Variants in IGSF1 observed in about 807,000 individuals in gnomAD.
IGSF1 encodes immunoglobulin-like domain-containing protein 1.
Under a neutral mutation model 95.3 loss-of-function variants are expected in IGSF1, and 40 were observed. The ratio of observed to expected loss-of-function variants is 0.42; its 90% confidence interval spans 0.33 to 0.55. The LOEUF (loss-of-function observed/expected upper bound fraction) is 0.55, where lower values mean the gene tolerates loss of function less well. Among genes scored for constraint, IGSF1 ranks in the 20% least tolerant of loss-of-function variants. The pLI is 0.10. For synonymous variants in IGSF1, 372 were observed against 382.9 expected (o/e 0.97, Z 0.33); for missense variants, 906 against 1,025.4 (o/e 0.88, Z 1.59).
In IGSF1 at chrX:131,285,403, A is replaced by C. The variant is rs1402207892; in HGVS notation, c.443T>G (p.Val148Gly). 8.3e-7 allele frequency: 1 copy of C among 1,210,986 alleles called. No homozygotes were observed. The highest frequency in any genetic ancestry group is 1.8e-5 in the South Asian group (1 of 56,943). ...CAGCCAGCCATGGCAGAGGATGTTA[A>C]CATTACACCCAGGAAGAGCGGGGGT... ...AETPALPGCN[V>G]NILCHGWLQD... Residue 148 changes from valine (V) to glycine (G), a missense_variant, in exon 5 of 20, where the codon GTT (valine) becomes GGT (glycine). Val to Gly is a moderately radical substitution (Grantham distance 109). Around this residue, in one of 5 missense-constraint regions of IGSF1, gnomAD observed 442 missense variants for 448.1 expected, o/e 0.99. Transcript: ENST00000361420.
rs112522172 is a variant in IGSF1, at chrX:131,274,843, G to C, written c.3507C>G (p.Pro1169=). The C allele has an allele frequency of 8.3e-7, 1 of 1,211,600 alleles. No homozygotes were observed. Among genetic ancestry groups the C allele is most frequent in the East Asian group, 3.0e-5 (1 of 33,854 alleles). ...CCTTCCCTAACTTGAACATGGTGCT[G>C]GGCCAGGCTGACAGAGAGGGTTTAG... ...KPPKPSLSAW[P]STMFKLGKDI... is the part of the protein sequence containing the mutation. The change falls in exon 18 of 20, where the codon CCC becomes CCG. Residue 1169 remains proline (P), a synonymous_variant. Transcript: ENST00000361420.
rs767947934 is a variant in IGSF1, at chrX:131,283,518, C to T, written c.668-254G>A. Reference sequence around the variant, plus strand: ...GGGGTGTATCTCAGTGGAAGATCTACATCTATAATTCCCTGTATCTTTAGG... The same window carrying T: ...GGGGTGTATCTCAGTGGAAGATCTATATCTATAATTCCCTGTATCTTTAGG... On this transcript the variant is annotated intron_variant, in intron 5 of 19. Coordinates refer to ENST00000361420, the MANE Select transcript of IGSF1 (RefSeq NM_001555.5). Among the ~76,000 whole-genome samples, 7 of 112,051 alleles carry T rather than the reference C, an allele frequency of 6.2e-5. No individual in the cohort carries two copies. The East Asian group carries it at 1.7e-3, about 27-fold the overall frequency.
rs867723820 is a variant in IGSF1, at chrX:131,275,948, G to A, written c.2896+13C>T. ...TGATCTCCATCCCAGTCCCATGTCC[G>A]GTCGGTCCTTACCAGTCACCCAGAT... On this transcript the variant is annotated intron_variant, in intron 15 of 19. Coordinates refer to ENST00000361420, the MANE Select transcript of IGSF1 (RefSeq NM_001555.5). The A allele has an allele frequency of 1.8e-5, 22 of 1,202,509 alleles. No individual in the cohort carries two copies. Among genetic ancestry groups the A allele is most frequent in the Middle Eastern group, 4.7e-4 (2 of 4,250 alleles).
chrX:131,275,253 G>A lies in IGSF1; in HGVS notation c.3218C>T (p.Pro1073Leu). The change falls in exon 17 of 20, where the codon CCT becomes CTT. Residue 1073 changes from proline (P) to leucine (L), a missense_variant. Physicochemically the swap from Pro to Leu is moderately conservative, Grantham distance 98 (BLOSUM62 -3). Coordinates refer to ENST00000361420, the MANE Select transcript of IGSF1 (RefSeq NM_001555.5). ...TTCGCCAGGGGCCACCATGGGACCAGGCTGGGCTAATAGGCTGGGTTTGGG... is the reference window on the plus strand; with the variant it reads ...TTCGCCAGGGGCCACCATGGGACCAAGCTGGGCTAATAGGCTGGGTTTGGG... ...LLPKPSLLAQ[P>L]GPMVAPGENM... 1 of 1,211,650 alleles carries A rather than the reference G, an allele frequency of 8.3e-7. No individual in the cohort carries two copies. The highest frequency in any genetic ancestry group is 1.1e-6 in the Non-Finnish European group (1 of 895,288).
chrX:131,284,361 C>T (rs965249469), intron 5 of IGSF1: 4 of 231,395 alleles, frequency 1.7e-5, no homozygotes, highest in African/African-American at 1.2e-4. Flanking sequence ...TAGAGGAAGC[C>T]AAAGCACAGA....
At chrX:131,279,752 T>G (rs2080529369) in intron 9 of IGSF1, among the ~76,000 whole-genome samples, 2 of 111,564 alleles carry the variant, frequency 1.8e-5, no homozygotes, top group Non-Finnish European at 3.8e-5. Flanking sequence ...ACTGTGAGTA[T>G]TTCTCAGTCA....
chrX:131,281,998 T>TC (rs1569404894), intron 7 of IGSF1, 54 bp from the exon 8 acceptor site: 6 of 1,067,117 alleles, frequency 5.6e-6, no homozygotes, highest in Non-Finnish European at 6.3e-6. Flanking sequence ...CAGTACCCTC[T>TC]CCCCCAGAAA....
intron 5 of IGSF1, chrX:131,284,804 G>T: frequency 1.1e-6 from 1 of 871,820 alleles, no homozygotes; most frequent in Non-Finnish European, 1.4e-6. Flanking sequence ...AAATACATTT[G>T]CAAATTTAAA....
At position 131,278,589 on chromosome X, in the gene IGSF1, G is replaced by A. The variant is rs753648014; in HGVS notation, c.1913C>T (p.Ser638Leu). The A allele has an allele frequency of 8.3e-7, 1 of 1,209,838 alleles. No individual in the cohort carries two copies. The highest frequency in any genetic ancestry group is 1.7e-5 in the African/African-American group (1 of 57,257). Reference sequence around the variant, plus strand: ...GGGGAAGGCAGCCCGGACCTGCTCTGAGGCCGGGCGAGTGGCGATCCACCC... The same window carrying A: ...GGGGAAGGCAGCCCGGACCTGCTCTAAGGCCGGGCGAGTGGCGATCCACCC... ...GTGWIATRPA[S>L]EQVRAAFPLG... is the part of the protein sequence containing the mutation. Residue 638 changes from serine to leucine, a missense_variant, in exon 12 of 20, where the codon TCA becomes TTA. Transcript: ENST00000361420.
chrX:131,274,249 C>T (rs753387472), intron 18 of IGSF1, 43 bp from the exon 19 acceptor site: 5 of 1,203,052 alleles, frequency 4.2e-6, no homozygotes, highest in South Asian at 3.6e-5. Flanking sequence ...TGGAGATTAG[C>T]GTGTGTATGT....
At chrX:131,280,969 G>A in intron 9 of IGSF1, 1 of 309,760 alleles carries the variant, frequency 3.2e-6, no homozygotes, top group East Asian at 5.7e-5. Flanking sequence ...CCTCCGGGGG[G>A]GATGTCAGTG....
intron 7 of IGSF1, 108 bp downstream of exon 7, chrX:131,282,336 T>TG: frequency 1.7e-6 from 1 of 592,287 alleles, no homozygotes; most frequent in Admixed American, 2.9e-5. Context: ...TGTGTGTGTG[T>TG]TTTGCTCATA....
chrX:131,288,143 C>T (rs977249165), intron 1 of IGSF1, among the ~76,000 whole-genome samples: 2 of 111,234 alleles, frequency 1.8e-5, no homozygotes, highest in South Asian at 3.9e-4. Context: ...CACTTTGTAT[C>T]AAAGGATTTT....
In IGSF1 at chrX:131,275,097, C is replaced by G; in HGVS notation, c.3374G>C (p.Arg1125Thr). 8.3e-7 allele frequency: 1 copy of G among 1,211,340 alleles called. No individual in the cohort carries two copies. The highest frequency in any genetic ancestry group is 1.8e-5 in the South Asian group (1 of 56,965). Residue 1125 changes from arginine to threonine, a missense_variant, in exon 17 of 20, where the codon AGA becomes ACA. Around this residue, in one of 5 missense-constraint regions of IGSF1, gnomAD observed 411 missense variants for 494.9 expected, o/e 0.83. Transcript: ENST00000361420. ...GCTATAGATCCCAGAGTCTTCACCT[C>G]TCACTGCTGGCATCCAGAAGTCAGC... Reference protein sequence around the residue: ...YRADFWMPAVRGEDSGIYSCV... With the variant: ...YRADFWMPAVTGEDSGIYSCV...
chrX:131,284,942 G>T, intron 5 of IGSF1: 1 of 722,863 alleles, frequency 1.4e-6, no homozygotes, highest in Non-Finnish European at 1.8e-6. Context: ...ATGAGCTGAA[G>T]CTGCTGGCCA....
At chrX:131,279,605 A>G (rs376847866) in intron 9 of IGSF1, among the ~76,000 whole-genome samples, 1 of 78,207 alleles carries the variant, frequency 1.3e-5, no homozygotes, top group South Asian at 7.8e-4. Context: ...TCAGCTCCCC[A>G]TGGCCCCTGA....
intron 9 of IGSF1, among the ~76,000 whole-genome samples, chrX:131,280,070 G>A (rs967065840): frequency 8.9e-6 from 1 of 111,764 alleles, no homozygotes; most frequent in South Asian, 3.7e-4. Flanking sequence ...TTTTCAAGCT[G>A]CTTTCTCTGA....
At chrX:131,279,024 C>T in intron 11 of IGSF1, 119 bp downstream of exon 11, 2 of 808,771 alleles carry the variant, frequency 2.5e-6, no homozygotes, top group Non-Finnish European at 3.7e-6. Flanking sequence ...TTAGCAAGTG[C>T]CCCTTCCTGG....
At position 131,274,133 on chromosome X, in the gene IGSF1, C is replaced by A. The variant is rs747114674; in HGVS notation, c.3825G>T (p.Leu1275Phe). ...SSLIVVVVVA[L>F]GVVLAIEWKK... is the part of the protein sequence containing the mutation. ...TCCACTCTATGGCTAGCACTACCCC[C>A]AAGGCTACAACAACCACCACGATTA... Residue 1275 changes from leucine (L) to phenylalanine (F), a missense_variant, in exon 19 of 20, where the codon TTG (leucine) becomes TTT (phenylalanine). Transcript: ENST00000361420. The A allele has an allele frequency of 1.2e-5, 14 of 1,211,643 alleles. No individual in the cohort carries two copies. In the South Asian group the frequency reaches 2.5e-4, roughly 21 times the overall value.
Sources: allele counts gnomAD v4.1 joint callset (sites outside exome capture counted in the v4.1 genomes callset), GRCh38; gene constraint gnomAD v4.1.1; regional missense constraint gnomAD v4.1.1; transcripts MANE v1.5; gene names NCBI Gene and HGNC (gene_info 2026-07-23, HGNC 2026-07-21).